The following SLA2 variants were observed in gnomAD, a reference collection of about 807,000 sequenced individuals.
The protein encoded by SLA2 is src-like-adapter 2.
SLA2 carries 22 observed loss-of-function variants against 27.3 expected under a neutral mutation model. The observed-to-expected ratio is 0.81, with a 90% CI of 0.58 to 1.15. The LOEUF is 1.15. Ranked by LOEUF, SLA2 falls within the 50% of genes most tolerant of loss-of-function variation. The pLI is 0.00. For missense variants in SLA2, 304 were observed against 322.2 expected (o/e 0.94, Z 0.43); for synonymous variants, 131 against 137.8 (o/e 0.95, Z 0.34).
intron 2 of SLA2, among the ~76,000 whole-genome samples, chr20:36,635,796 T>G (rs2039438725): frequency 6.6e-6 from 1 of 152,114 alleles, no homozygotes; most frequent in African/African-American, 2.4e-5. Context: ...GCCCTGGCCT[T>G]GCACTCCCGG....
At chr20:36,630,394 C>T (rs2039381901) in intron 5 of SLA2, among the ~76,000 whole-genome samples, 1 of 152,144 alleles carries the variant, frequency 6.6e-6, no homozygotes, top group African/African-American at 2.4e-5. Context: ...CGAAGGGTCC[C>T]GACAGCCTAT....
chr20:36,622,130 G>C (rs1057137275), intron 5 of SLA2, among the ~76,000 whole-genome samples: 3 of 151,378 alleles, frequency 2.0e-5, no homozygotes, highest in Non-Finnish European at 4.4e-5. Flanking sequence ...GACCAGCCTG[G>C]CCAACCCATG....
intron 2 of SLA2, among the ~76,000 whole-genome samples, chr20:36,636,623 A>AAAAAATATATATAT: frequency 1.7e-5 from 2 of 114,712 alleles, no homozygotes; most frequent in Non-Finnish European, 3.3e-5. Context: ...AAAAAAAAAA[A>AAAAAATATATATAT]ATATATATAT....
chr20:36,619,661 C>A (rs1003749358), intron 5 of SLA2, among the ~76,000 whole-genome samples: 1 of 148,234 alleles, frequency 6.7e-6, no homozygotes, highest in Admixed American at 6.7e-5. Flanking sequence ...GACAGAGTCT[C>A]GCTCTCTCAC....
chr20:36,629,699 A>G (rs2039374591), intron 5 of SLA2, among the ~76,000 whole-genome samples: 1 of 152,088 alleles, frequency 6.6e-6, no homozygotes, highest in Non-Finnish European at 1.5e-5. Flanking sequence ...GCTTGAACCC[A>G]GGACGTGGAG....
chr20:36,635,437 G>C (rs972873589), intron 2 of SLA2, among the ~76,000 whole-genome samples: 1 of 151,270 alleles, frequency 6.6e-6, no homozygotes, highest in African/African-American at 2.4e-5. Context: ...GGGACCCCAG[G>C]AAGTGGGGCA....
intron 5 of SLA2, among the ~76,000 whole-genome samples, chr20:36,624,173 C>T (rs748581887): frequency 2.0e-5 from 3 of 152,114 alleles, no homozygotes; most frequent in Non-Finnish European, 4.4e-5. Context: ...GAGCCTACTA[C>T]GGCTTCCTGC....
chr20:36,616,386 A>G (rs186223973), intron 5 of SLA2, among the ~76,000 whole-genome samples: 2,393 of 136,848 alleles, frequency 0.017, 37 homozygotes, highest in South Asian at 0.059. Context: ...GCTGGAGTGC[A>G]GTGGTGCAAT....
chr20:36,626,798 C>G (rs1358869938), intron 5 of SLA2, among the ~76,000 whole-genome samples: 1 of 150,446 alleles, frequency 6.6e-6, no homozygotes, highest in Non-Finnish European at 1.5e-5. Context: ...GAGCCGAGAT[C>G]CCGCCAACTG....
chr20:36,633,708 A>G (rs1440026367), intron 3 of SLA2, 79 bp from the exon 4 acceptor site: 9 of 1,239,908 alleles, frequency 7.3e-6, no homozygotes, highest in Non-Finnish European at 8.2e-6. Flanking sequence ...GCTTGCAAGG[A>G]CCCTCTCAGG....
intron 6 of SLA2, chr20:36,615,007 G>A: frequency 1.0e-6 from 1 of 985,260 alleles, no homozygotes; most frequent in Non-Finnish European, 1.2e-6. Flanking sequence ...ACTGACCTGA[G>A]CCTACACAGG....
rs754714090 is a variant in SLA2 at position 36,613,855 on chromosome 20, CTCCTTTGGGCCTA to C, written c.784_*10del. 5.0e-6 allele frequency: 8 copies of C among 1,600,070 alleles called. No homozygotes were observed. The highest frequency in any genetic ancestry group is 6.8e-6 in the Non-Finnish European group (8 of 1,172,116). ...GCAGCCTTGGTTTCCCTTTTGGCCT[CTCCTTTGGGCCTA>C]GGCATCATCCAAAGAGACAGCCTCG... is the stretch of plus-strand genomic sequence containing the variant. On this transcript the variant is annotated stop_lost and 3_prime_UTR_variant, in exon 8 of 8. Coordinates refer to ENST00000262866, the MANE Select transcript of SLA2 (RefSeq NM_032214.4).
intron 2 of SLA2, among the ~76,000 whole-genome samples, chr20:36,639,349 C>T (rs915251781): frequency 2.0e-5 from 3 of 152,024 alleles, no homozygotes; most frequent in African/African-American, 7.2e-5. Flanking sequence ...AGATTTCAGA[C>T]TTACAGCCTC....
At chr20:36,640,238 G>C (rs1366191049) in intron 2 of SLA2, among the ~76,000 whole-genome samples, 2 of 152,100 alleles carry the variant, frequency 1.3e-5, no homozygotes, top group African/African-American at 4.8e-5. Context: ...AGCCTGGGAG[G>C]TTGAAGCTGC....
At chr20:36,633,427 G>T in intron 4 of SLA2, 116 bp downstream of exon 4, 2 of 832,816 alleles carry the variant, frequency 2.4e-6, no homozygotes, top group Non-Finnish European at 2.0e-6. Context: ...GCAGGACCTG[G>T]GTTCGATTCT....
At chr20:36,635,209 T>C (rs1236831351) in intron 2 of SLA2, among the ~76,000 whole-genome samples, 2 of 151,856 alleles carry the variant, frequency 1.3e-5, no homozygotes, top group African/African-American at 4.8e-5. Flanking sequence ...CCTTGTAGCC[T>C]GAAAATCCAG....
At chr20:36,630,369 G>A (rs1349104855) in intron 5 of SLA2, among the ~76,000 whole-genome samples, 4 of 152,230 alleles carry the variant, frequency 2.6e-5, no homozygotes, top group African/African-American at 9.6e-5. Context: ...CTGGGAGGGA[G>A]ACTGAGGCAG....
In SLA2 at chr20:36,632,717, G is replaced by A. The variant is rs1181207067; in HGVS notation, c.279-19C>T. ...CAGCCACCTGGCGGAGCGAAAGAGA[G>A]GGACAAGGGACAGGGTCAGCCTGGA... On this transcript the variant is annotated intron_variant, in intron 4 of 7. Transcript: ENST00000262866. 4 of 1,602,394 alleles carry A rather than the reference G, an allele frequency of 2.5e-6. No homozygotes were observed. Among genetic ancestry groups the A allele is most frequent in the Non-Finnish European group, 3.4e-6 (4 of 1,170,902 alleles).
chr20:36,637,881 CTCTT>C (rs1313688975), intron 2 of SLA2, among the ~76,000 whole-genome samples: 1 of 138,808 alleles, frequency 7.2e-6, no homozygotes, highest in African/African-American at 2.7e-5. Context: ...CTGCCTCGGC[CTCTT>C]TTTTTTTTTT....
Sources: allele counts gnomAD v4.1 joint callset (sites outside exome capture counted in the v4.1 genomes callset), GRCh38; gene constraint gnomAD v4.1.1; transcripts MANE v1.5; gene names NCBI Gene and HGNC (gene_info 2026-07-23, HGNC 2026-07-21).